LHFPL5: variants seen among roughly 807,000 people sequenced by gnomAD.
LHFPL5 encodes the protein LHFPL tetraspan subfamily member 5 protein.
In LHFPL5, 12 loss-of-function variants were observed where a neutral mutation model predicts 18.7. The observed-to-expected ratio is 0.64, with a 90% CI of 0.41 to 1.04. LHFPL5 has a LOEUF of 1.04. Ranked by LOEUF, LHFPL5 falls within the 50% of genes least tolerant of loss-of-function variation. The probability of loss-of-function intolerance (pLI) is 0.00; values close to 1 mark genes in which losing one functional copy is unlikely to be tolerated. For missense variants in LHFPL5, 259 were observed against 292.1 expected (o/e 0.89, Z 0.83); for synonymous variants, 111 against 120.2 (o/e 0.92, Z 0.50).
chr6:35,815,681 G>A (rs529799311), intron 2 of LHFPL5, among the ~76,000 whole-genome samples: 14 of 152,082 alleles, frequency 9.2e-5, no homozygotes, highest in Non-Finnish European at 1.6e-4. Flanking sequence ...CTATAACCAA[G>A]GACTCTTCCC....
intron 1 of LHFPL5, among the ~76,000 whole-genome samples, chr6:35,807,116 C>T (rs1357671209): frequency 6.6e-6 from 1 of 152,120 alleles, no homozygotes; most frequent in Admixed American, 6.6e-5. Context: ...ATGTGATCCA[C>T]AGCACCTGGC....
chr6:35,808,721 C>T (rs1768616349), intron 1 of LHFPL5, among the ~76,000 whole-genome samples: 1 of 151,524 alleles, frequency 6.6e-6, no homozygotes, highest in African/African-American at 2.4e-5. Context: ...GGAGACACAA[C>T]CATCTCTCTC....
intron 3 of LHFPL5, among the ~76,000 whole-genome samples, chr6:35,821,121 T>A (rs1253095248): frequency 6.6e-6 from 1 of 151,996 alleles, no homozygotes; most frequent in Non-Finnish European, 1.5e-5. Flanking sequence ...CTGGCCAACA[T>A]TGGGAAACCC....
chr6:35,817,911 A>G (rs1235143097), intron 2 of LHFPL5, among the ~76,000 whole-genome samples: 1 of 152,234 alleles, frequency 6.6e-6, no homozygotes, highest in Admixed American at 6.5e-5. Flanking sequence ...ACAAATGTTC[A>G]TGGCAGCATA....
intron 1 of LHFPL5, among the ~76,000 whole-genome samples, chr6:35,811,649 G>A (rs1454454610): frequency 1.3e-5 from 2 of 152,196 alleles, no homozygotes; most frequent in South Asian, 4.1e-4. Context: ...GAGGGGCCAC[G>A]GGAGGAAGTG....
In LHFPL5 at chr6:35,805,427, AGGAGACT is replaced by A. The variant is rs1739563423; in HGVS notation, c.-237_-231del. On this transcript the variant is annotated 5_prime_UTR_variant, in exon 1 of 4. Coordinates refer to ENST00000360215, the MANE Select transcript of LHFPL5 (RefSeq NM_182548.4). This position sits in a 1 kb window ranked among gnomAD's most constrained non-coding sequence, Gnocchi z 4.3. ...GGCCCTGGTGGGCTTGGGAGGAGGC[AGGAGACT>A]GGAGACAGCCTCGGCTAGAGCGGAC... The A allele has an allele frequency of 3.7e-6, 2 of 542,186 alleles. No individual in the cohort carries two copies. Among genetic ancestry groups the A allele is most frequent in the Non-Finnish European group, 6.7e-6 (2 of 299,478 alleles). The allele number at this position is 542,186 out of a possible 1,614,324, so 33.6% of individuals were successfully genotyped here. A position where few individuals can be genotyped will look rare whatever the true frequency, so the allele number is the denominator to read the frequency against.
At chr6:35,809,105 G>A (rs1385406551) in intron 1 of LHFPL5, among the ~76,000 whole-genome samples, 5 of 152,158 alleles carry the variant, frequency 3.3e-5, no homozygotes, top group Non-Finnish European at 7.3e-5. Context: ...ATGCTTGGGC[G>A]ATGTGGGGCT....
At position 35,823,495 on chromosome 6, in the gene LHFPL5, A is replaced by C. The variant is rs1365026035; in HGVS notation, c.*530A>C. 1 of 118,662 alleles carries C rather than the reference A, an allele frequency of 8.4e-6. No individual in the cohort carries two copies. The highest frequency in any genetic ancestry group is 1.9e-5 in the Non-Finnish European group (1 of 53,958). The allele number at this position is 118,662 out of a possible 1,614,324, so 7.4% of individuals were successfully genotyped here. ...CACACACACTCTCTCTCTCTCTCAA[A>C]CACACACAAATGCCCAACCAGCTCT... On this transcript the variant is annotated 3_prime_UTR_variant, in exon 4 of 4. Coordinates refer to ENST00000360215, the MANE Select transcript of LHFPL5 (RefSeq NM_182548.4).
chr6:35,822,078 G>A (rs550690062), intron 3 of LHFPL5, among the ~76,000 whole-genome samples: 5 of 151,476 alleles, frequency 3.3e-5, no homozygotes, highest in African/African-American at 7.3e-5. Context: ...TTGAAGAAAC[G>A]ATGTTTTGTC....
intron 1 of LHFPL5, chr6:35,811,561 T>C (rs906162855): frequency 6.6e-6 from 1 of 152,304 alleles, no homozygotes; most frequent in Non-Finnish European, 1.5e-5. Flanking sequence ...CAGGGGACTG[T>C]GGCACCAACA....
At chr6:35,807,196 G>C (rs530143177) in intron 1 of LHFPL5, among the ~76,000 whole-genome samples, 8 of 152,220 alleles carry the variant, frequency 5.3e-5, no homozygotes, top group African/African-American at 1.9e-4. Flanking sequence ...CACTTTGGGA[G>C]AGAGCATCAC....
intron 1 of LHFPL5, among the ~76,000 whole-genome samples, chr6:35,809,331 G>C (rs1422895664): frequency 6.6e-6 from 1 of 152,064 alleles, no homozygotes; most frequent in Non-Finnish European, 1.5e-5. Context: ...ATTTCTCACA[G>C]TTCTGGAGCC....
chr6:35,813,206 A>G lies in LHFPL5; in HGVS notation c.413-1340A>G, dbSNP rs570027949. ...TGGAAGAGTGCTTTTGAAAACAGGG[A>G]TTATTGAACCCAACCATGACCTAGG... On this transcript the variant is annotated intron_variant, in intron 1 of 3. Coordinates refer to ENST00000360215, the MANE Select transcript of LHFPL5 (RefSeq NM_182548.4). 1.2e-4 allele frequency among the ~76,000 whole-genome samples: 18 copies of G among 146,662 alleles called. No homozygotes were observed. In the South Asian group the frequency reaches 3.7e-3, roughly 30 times the overall value.
At chr6:35,821,857 ATT>A (rs763639486) in intron 3 of LHFPL5, among the ~76,000 whole-genome samples, 226 of 39,048 alleles carry the variant, frequency 5.8e-3, no homozygotes, top group Admixed American at 8.0e-3. Flanking sequence ...GTGTACCACA[ATT>A]TTTTTTTTTT....
chr6:35,820,960 G>A (rs1768853902), intron 3 of LHFPL5, among the ~76,000 whole-genome samples: 2 of 152,102 alleles, frequency 1.3e-5, no homozygotes, highest in South Asian at 2.1e-4. Context: ...ACTTATTAGA[G>A]CATGATTCTC....
rs774466373 is a variant in LHFPL5 at position 35,814,660 on chromosome 6, G to A, written c.527G>A (p.Arg176His). ...TACACGCTGGGCCACTGCACCATCC[G>A]CTGGGCCTTCATGCTGGCCATCCTC... is the stretch of plus-strand genomic sequence containing the variant. ...GKYTLGHCTI[R>H]WAFMLAILSI... The change falls in exon 2 of 4, where the codon CGC becomes CAC. Residue 176 changes from arginine to histidine, a missense_variant. Arg to His is a conservative substitution (Grantham distance 29, BLOSUM62 0). Transcript: ENST00000360215. This position sits in a 1 kb window ranked among gnomAD's most constrained non-coding sequence, Gnocchi z 4.2. 50 of 1,613,998 alleles carry A rather than the reference G, an allele frequency of 3.1e-5. No individual in the cohort carries two copies. Among genetic ancestry groups the A allele is most frequent in the East Asian group, 1.3e-4 (6 of 44,878 alleles).
At chr6:35,817,330 A>T (rs898217911) in intron 2 of LHFPL5, among the ~76,000 whole-genome samples, 21 of 152,180 alleles carry the variant, frequency 1.4e-4, no homozygotes, top group Non-Finnish European at 1.9e-4. Flanking sequence ...AAAAAAAAAA[A>T]TCTTAAAAGA....
At position 35,806,189 on chromosome 6, in the gene LHFPL5, C is replaced by T. The variant is rs1451858329; in HGVS notation, c.412+107C>T. The T allele has an allele frequency of 6.7e-6, 8 of 1,198,830 alleles. 1 individual carries two copies. Among genetic ancestry groups the T allele is most frequent in the East Asian group, 5.1e-5 (2 of 39,452 alleles). The allele number at this position is 1,198,830 out of a possible 1,614,324, so 74.3% of individuals were successfully genotyped here. A position where few individuals can be genotyped will look rare whatever the true frequency, so the allele number is the denominator to read the frequency against. On this transcript the variant is annotated intron_variant, in intron 1 of 3. Transcript: ENST00000360215. ...GCTCTGGGCCTTAAATTTAGCTGTTCTCCTATAGCCCAGTCCTACTCAGTG... is the reference window on the plus strand; with the variant it reads ...GCTCTGGGCCTTAAATTTAGCTGTTTTCCTATAGCCCAGTCCTACTCAGTG...
intron 1 of LHFPL5, 107 bp downstream of exon 1, chr6:35,806,189 C>A: frequency 8.3e-7 from 1 of 1,198,832 alleles, no homozygotes; most frequent in Non-Finnish European, 1.2e-6. Flanking sequence ...TTTAGCTGTT[C>A]TCCTATAGCC....
Sources: allele counts gnomAD v4.1 joint callset (sites outside exome capture counted in the v4.1 genomes callset), GRCh38; gene constraint gnomAD v4.1.1; non-coding constraint Gnocchi (gnomAD v3.1); transcripts MANE v1.5; gene names NCBI Gene and HGNC (gene_info 2026-07-23, HGNC 2026-07-21).